Variants in SPAG16 observed in about 807,000 individuals in gnomAD.
SPAG16 encodes sperm associated antigen 16.
SPAG16 carries 86 observed loss-of-function variants against 80.4 expected under a neutral mutation model. The observed-to-expected ratio is 1.07, with a 90% CI of 0.90 to 1.28. The LOEUF (loss-of-function observed/expected upper bound fraction) is 1.28, where lower values mean the gene tolerates loss of function less well. SPAG16 is among the 50% of genes most tolerant of loss of function. SPAG16 has a pLI of 0.00. For missense variants in SPAG16, 870 were observed against 765.3 expected (o/e 1.14, Z -1.61); for synonymous variants, 294 against 265.9 (o/e 1.11, Z -1.03).
At chr2:214,328,251 G>A (rs1696638516) in intron 15 of SPAG16, among the ~76,000 whole-genome samples, 1 of 152,006 alleles carries the variant, frequency 6.6e-6, no homozygotes, top group Non-Finnish European at 1.5e-5. Context: ...TGCCTCCTGG[G>A]TTCAAGTGAT....
At chr2:214,266,831 C>A (rs1576633070) in intron 15 of SPAG16, among the ~76,000 whole-genome samples, 1 of 151,094 alleles carries the variant, frequency 6.6e-6, no homozygotes, top group Non-Finnish European at 1.5e-5. Flanking sequence ...AAAACAGTCC[C>A]AATTACAAAA....
intron 10 of SPAG16, among the ~76,000 whole-genome samples, chr2:213,640,282 G>A (rs899973335): frequency 6.6e-6 from 1 of 152,174 alleles, no homozygotes. Flanking sequence ...TCCATTGCTA[G>A]TGAACTAGTG....
intron 10 of SPAG16, among the ~76,000 whole-genome samples, chr2:213,839,953 G>A (rs893546752): frequency 6.6e-6 from 1 of 152,118 alleles, no homozygotes; most frequent in Non-Finnish European, 1.5e-5. Flanking sequence ...AAAAAGGTAG[G>A]AAAAGAACAT....
At position 213,330,322 on chromosome 2, in the gene SPAG16, CCTT is replaced by C. The variant is rs576826849; in HGVS notation, c.537-9840_537-9838del. ...GAAAGCACCCAGGAGGGAGGGTGTACCTTGTAAAGCCACAGGGGTGGAGCTTCC... is the reference window on the plus strand; with the variant it reads ...GAAAGCACCCAGGAGGGAGGGTGTACGTAAAGCCACAGGGGTGGAGCTTCC... On this transcript the variant is annotated intron_variant, in intron 5 of 15. Transcript: ENST00000331683. Among the ~76,000 whole-genome samples the C allele has an allele frequency of 5.4e-4, 82 of 152,296 alleles. 1 individual carries two copies. The highest frequency in any genetic ancestry group is 1.9e-3 in the African/African-American group (77 of 41,578).
At chr2:214,022,314 A>G (rs775036873) in intron 13 of SPAG16, among the ~76,000 whole-genome samples, 15 of 152,114 alleles carry the variant, frequency 9.9e-5, no homozygotes, top group Non-Finnish European at 2.2e-4. Flanking sequence ...ATCAGACCAT[A>G]TAGCACGATA....
At chr2:213,316,431 G>C (rs981735323) in intron 4 of SPAG16, among the ~76,000 whole-genome samples, 22 of 152,046 alleles carry the variant, frequency 1.4e-4, no homozygotes, top group African/African-American at 4.3e-4. Flanking sequence ...TGGTCTCTCT[G>C]ATTCTATGCT....
chr2:213,749,224 T>C (rs1432333866), intron 10 of SPAG16, among the ~76,000 whole-genome samples: 1 of 152,120 alleles, frequency 6.6e-6, no homozygotes, highest in African/African-American at 2.4e-5. Context: ...TATTTTCTAC[T>C]TTTTCTTCTT....
At chr2:213,887,587 C>T (rs2076610914) in intron 11 of SPAG16, among the ~76,000 whole-genome samples, 1 of 151,652 alleles carries the variant, frequency 6.6e-6, no homozygotes. Context: ...GAAAAATGCA[C>T]TTGTTCAAAA....
At chr2:214,339,288 A>G (rs563276011) in intron 15 of SPAG16, among the ~76,000 whole-genome samples, 2 of 152,158 alleles carry the variant, frequency 1.3e-5, no homozygotes, top group South Asian at 4.2e-4. Flanking sequence ...AAGTCCACAC[A>G]TTTTTTTTCT....
chr2:214,220,003 T>A (rs575569480), intron 15 of SPAG16, among the ~76,000 whole-genome samples: 220 of 152,240 alleles, frequency 1.4e-3, no homozygotes, highest in Non-Finnish European at 2.6e-3. Flanking sequence ...ATTATTTTTT[T>A]ATTGATACTC....
intron 10 of SPAG16, among the ~76,000 whole-genome samples, chr2:213,491,242 G>C (rs572330292): frequency 7.2e-5 from 11 of 152,232 alleles, no homozygotes; most frequent in Admixed American, 5.9e-4. Flanking sequence ...CTAGTCTTTT[G>C]ATGTAAGGTC....
In SPAG16 at chr2:213,913,746, A is replaced by AAG. The variant is rs897353733; in HGVS notation, c.1215-16204_1215-16203dup. ...AGAGATACATGCAGAGACAGAGATA[A>AAG]AGAGAGAGAGAACAGACTCTCTTTG... On this transcript the variant is annotated intron_variant, in intron 11 of 15. Coordinates refer to ENST00000331683, the MANE Select transcript of SPAG16 (RefSeq NM_024532.5). 3.3e-5 allele frequency among the ~76,000 whole-genome samples: 5 copies of AAG among 151,960 alleles called. No homozygotes were observed. The South Asian group carries it at 8.3e-4, about 25-fold the overall frequency.
At chr2:213,306,450 C>G (rs536987141) in intron 3 of SPAG16, among the ~76,000 whole-genome samples, 67 of 11,890 alleles carry the variant, frequency 5.6e-3, no homozygotes, top group Non-Finnish European at 0.012. Context: ...CTTGGCTGCC[C>G]TGGCTGGTAT....
chr2:214,181,776 GTTT>G (rs2057313989), intron 15 of SPAG16, among the ~76,000 whole-genome samples: 1 of 151,742 alleles, frequency 6.6e-6, no homozygotes. Flanking sequence ...AAGTAGATGT[GTTT>G]AATTTTTACA....
chr2:213,734,285 C>CT lies in SPAG16; in HGVS notation c.1071-128199dup, dbSNP rs1358652065. ...TGGAAACTGCCATTTGCCCACAATTCTAACATCTTAAATTCAGTTCTTAGC... is the reference window on the plus strand; with the variant it reads ...TGGAAACTGCCATTTGCCCACAATTCTTAACATCTTAAATTCAGTTCTTAGC... On this transcript the variant is annotated intron_variant, in intron 10 of 15. Transcript: ENST00000331683. Among the ~76,000 whole-genome samples the CT allele has an allele frequency of 2.6e-5, 4 of 152,286 alleles. No individual in the cohort carries two copies. In the East Asian group the frequency reaches 7.7e-4, roughly 29 times the overall value.
intron 12 of SPAG16, among the ~76,000 whole-genome samples, chr2:213,956,663 G>A (rs2044158322): frequency 6.6e-6 from 1 of 151,908 alleles, no homozygotes; most frequent in African/African-American, 2.4e-5. Flanking sequence ...GGCCATGCTG[G>A]TGTCAAACTC....
chr2:213,449,686 T>TA (rs1387180001), intron 9 of SPAG16, among the ~76,000 whole-genome samples: 1 of 152,174 alleles, frequency 6.6e-6, no homozygotes, highest in Non-Finnish European at 1.5e-5. Context: ...ACCTATTAGG[T>TA]ACTAGGTGCA....
intron 5 of SPAG16, among the ~76,000 whole-genome samples, chr2:213,323,397 T>A (rs1002235588): frequency 2.6e-5 from 4 of 151,748 alleles, no homozygotes; most frequent in Non-Finnish European, 4.4e-5. Context: ...GCCGAGATCA[T>A]GCCACTGCAC....
intron 10 of SPAG16, among the ~76,000 whole-genome samples, chr2:213,761,583 T>C (rs1168630299): frequency 6.6e-6 from 1 of 152,152 alleles, no homozygotes; most frequent in Non-Finnish European, 1.5e-5. Context: ...ACATTCAGGC[T>C]GGGCACGGTG....
Sources: gnomAD v4.1 joint callset for allele counts (sites outside exome capture counted in the v4.1 genomes callset) on GRCh38, gnomAD v4.1.1 for gene constraint, MANE v1.5 for transcripts, NCBI Gene and HGNC (gene_info 2026-07-23, HGNC 2026-07-21) for gene names.